The following GRIN3A variants were observed in gnomAD, a reference collection of about 807,000 sequenced individuals.
GRIN3A encodes the protein glutamate ionotropic receptor NMDA type subunit 3A.
Under a neutral mutation model 92.4 loss-of-function variants are expected in GRIN3A, and 47 were observed. The observed-to-expected ratio is 0.51, with a 90% confidence interval of 0.40 to 0.65. The LOEUF (loss-of-function observed/expected upper bound fraction) is 0.65, where lower values mean the gene tolerates loss of function less well. GRIN3A is among the 30% of genes least tolerant of loss of function. GRIN3A has a pLI of 0.00. For synonymous variants in GRIN3A, 527 were observed against 540.6 expected, an observed-to-expected ratio of 0.97 and a Z score of 0.35; for missense variants, 1,324 against 1,393.1, an observed-to-expected ratio of 0.95 and a Z score of 0.79.
intron 3 of GRIN3A, among the ~76,000 whole-genome samples, chr9:101,658,752 G>GTCTATCTA (rs1246362172): frequency 7.2e-6 from 1 of 139,120 alleles, no homozygotes; most frequent in East Asian, 2.3e-4. Flanking sequence ...CTATCTATCT[G>GTCTATCTA]TCTATCTGTC....
At chr9:101,706,940 C>G (rs1171098523) in intron 1 of GRIN3A, among the ~76,000 whole-genome samples, 7 of 152,150 alleles carry the variant, frequency 4.6e-5, no homozygotes, top group African/African-American at 1.7e-4. Context: ...TTCTCACTTT[C>G]AAATGAAACT....
In GRIN3A at chr9:101,684,094, TTTTCTTTC is replaced by T. The variant is rs542469654; in HGVS notation, c.1304+2494_1304+2501del. 3.3e-3 allele frequency among the ~76,000 whole-genome samples: 479 copies of T among 144,430 alleles called. 4 individuals carry two copies. The highest frequency in any genetic ancestry group is 3.4e-3 in the Middle Eastern group (1 of 292). The allele number at this position is 144,430 out of a possible 152,430, so 94.8% of individuals were successfully genotyped here. On this transcript the variant is annotated intron_variant, in intron 2 of 8. Coordinates refer to ENST00000361820, the MANE Select transcript of GRIN3A (RefSeq NM_133445.3). ...CCCCTTCCTTTCCTTCTTCCTGTCT[TTTTCTTTC>T]TTTCTTTCTTTCTTTCTTTTTTTTT...
intron 1 of GRIN3A, among the ~76,000 whole-genome samples, chr9:101,727,064 G>GTAA (rs1207847331): frequency 2.2e-4 from 33 of 152,174 alleles, no homozygotes; most frequent in African/African-American, 7.7e-4. Flanking sequence ...GTGTTCTGCA[G>GTAA]CACAAGTAAC....
chr9:101,709,812 C>A (rs574553464), intron 1 of GRIN3A, among the ~76,000 whole-genome samples: 1 of 152,070 alleles, frequency 6.6e-6, no homozygotes, highest in East Asian at 1.9e-4. Flanking sequence ...ATACAAGTAC[C>A]CAAGGCCCCA....
intron 1 of GRIN3A, among the ~76,000 whole-genome samples, chr9:101,702,932 C>T (rs986041317): frequency 6.6e-6 from 1 of 152,086 alleles, no homozygotes; most frequent in Non-Finnish European, 1.5e-5. Flanking sequence ...TCAGTTAGTC[C>T]CATTCACTCC....
chr9:101,594,248 A>T, intron 6 of GRIN3A: 1 of 871,370 alleles, frequency 1.1e-6, no homozygotes, highest in Non-Finnish European at 1.7e-6. Flanking sequence ...AAGGAGAATT[A>T]ATAGCACTGA....
intron 8 of GRIN3A, 101 bp downstream of exon 8, chr9:101,577,667 C>G: frequency 4.4e-6 from 4 of 900,862 alleles, no homozygotes; most frequent in South Asian, 1.3e-5. Context: ...TATACTGATT[C>G]TTTTGATAAA....
intron 3 of GRIN3A, among the ~76,000 whole-genome samples, chr9:101,633,663 G>C (rs1828742018): frequency 6.6e-6 from 1 of 152,164 alleles, no homozygotes; most frequent in Admixed American, 6.5e-5. Flanking sequence ...GCAAATGTGA[G>C]AGATCTAGGT....
chr9:101,705,304 G>A (rs1424585732), intron 1 of GRIN3A, among the ~76,000 whole-genome samples: 2 of 152,072 alleles, frequency 1.3e-5, no homozygotes, highest in Non-Finnish European at 2.9e-5. Flanking sequence ...GAGAACAGTA[G>A]GGCAGCGCCG....
At chr9:101,721,407 G>T (rs1224703746) in intron 1 of GRIN3A, among the ~76,000 whole-genome samples, 2 of 152,158 alleles carry the variant, frequency 1.3e-5, no homozygotes, top group African/African-American at 4.8e-5. Flanking sequence ...CTAATCAGCA[G>T]CATGAAAACT....
At chr9:101,711,900 G>C (rs962748746) in intron 1 of GRIN3A, among the ~76,000 whole-genome samples, 18 of 152,254 alleles carry the variant, frequency 1.2e-4, no homozygotes, top group African/African-American at 3.9e-4. Flanking sequence ...TTTATTCCGT[G>C]CCCTCGGAGA....
intron 5 of GRIN3A, among the ~76,000 whole-genome samples, chr9:101,614,916 C>A (rs1414988756): frequency 2.6e-5 from 4 of 151,552 alleles, no homozygotes; most frequent in Non-Finnish European, 5.9e-5. Flanking sequence ...ACGTGCCCAG[C>A]CTGTGATAAT....
At chr9:101,724,386 G>T (rs10989605) in intron 1 of GRIN3A, among the ~76,000 whole-genome samples, 24,657 of 152,118 alleles carry the variant, frequency 0.16, 2,492 homozygotes, top group Middle Eastern at 0.23. Flanking sequence ...CCCAGGGCCG[G>T]CAGGGCCGGC....
chr9:101,648,555 A>T (rs528860032), intron 3 of GRIN3A, among the ~76,000 whole-genome samples: 1 of 152,024 alleles, frequency 6.6e-6, no homozygotes, highest in African/African-American at 2.4e-5. Flanking sequence ...TGAAAGTGGG[A>T]TCCTGAAGTC....
intron 4 of GRIN3A, among the ~76,000 whole-genome samples, chr9:101,627,253 C>T (rs1828645819): frequency 6.6e-6 from 1 of 152,182 alleles, no homozygotes. Context: ...AATACTTACA[C>T]ATCATGTATA....
At chr9:101,607,452 G>A (rs1354831221) in intron 6 of GRIN3A, among the ~76,000 whole-genome samples, 9 of 152,228 alleles carry the variant, frequency 5.9e-5, no homozygotes, top group East Asian at 1.9e-4. Context: ...AAAGTAAACC[G>A]AAAAATGGAA....
intron 1 of GRIN3A, among the ~76,000 whole-genome samples, chr9:101,697,574 G>A (rs1829699655): frequency 6.6e-6 from 1 of 152,172 alleles, no homozygotes; most frequent in African/African-American, 2.4e-5. Flanking sequence ...GGTTTCATCT[G>A]GCCCTTGTTG....
intron 3 of GRIN3A, among the ~76,000 whole-genome samples, chr9:101,633,171 A>C (rs1391174622): frequency 3.9e-5 from 6 of 152,196 alleles, no homozygotes; most frequent in Admixed American, 3.9e-4. Flanking sequence ...GTAATGTTGC[A>C]GATTAAAAAA....
At chr9:101,721,535 A>G (rs1732941223) in intron 1 of GRIN3A, among the ~76,000 whole-genome samples, 1 of 152,190 alleles carries the variant, frequency 6.6e-6, no homozygotes, top group Non-Finnish European at 1.5e-5. Flanking sequence ...TGGAGGGCTC[A>G]GAAGAAGATA....
Sources: allele counts gnomAD v4.1 joint callset (sites outside exome capture counted in the v4.1 genomes callset), GRCh38; gene constraint gnomAD v4.1.1; transcripts MANE v1.5; gene names NCBI Gene and HGNC (gene_info 2026-07-23, HGNC 2026-07-21).